SAE1: variants seen among roughly 807,000 people sequenced by gnomAD.
SAE1 encodes SUMO1 activating enzyme subunit 1, also known as SUMO-activating enzyme subunit 1.
In SAE1, 11 loss-of-function variants were observed where a neutral mutation model predicts 40.6. That is an observed-to-expected ratio of 0.27 (90% CI 0.17 to 0.45). The LOEUF is 0.45. SAE1 is among the 20% of genes least tolerant of loss of function. The probability of loss-of-function intolerance (pLI) is 1.00; values close to 1 mark genes in which losing one functional copy is unlikely to be tolerated. For synonymous variants in SAE1, 155 were observed against 154.3 expected, an observed-to-expected ratio of 1.00 and a Z score of -0.03; for missense variants, 373 against 427.3, an observed-to-expected ratio of 0.87 and a Z score of 1.12.
chr19:47,160,191 G>T (rs940687666), intron 5 of SAE1, among the ~76,000 whole-genome samples: 3 of 148,882 alleles, frequency 2.0e-5, no homozygotes, highest in African/African-American at 7.4e-5. Flanking sequence ...GAACCCTCAG[G>T]CCAGAGAGGT....
At chr19:47,134,668 G>T (rs959012310) in intron 1 of SAE1, among the ~76,000 whole-genome samples, 1 of 152,112 alleles carries the variant, frequency 6.6e-6, no homozygotes, top group Admixed American at 6.6e-5. Context: ...AGGGGTTTGC[G>T]GCAGCAGATA....
At chr19:47,154,083 G>A (rs182694042) in intron 4 of SAE1, among the ~76,000 whole-genome samples, 249 of 143,380 alleles carry the variant, frequency 1.7e-3, no homozygotes, top group Non-Finnish European at 2.9e-3. Flanking sequence ...GTGAGCCACC[G>A]CACCCGGCTA....
intron 5 of SAE1, among the ~76,000 whole-genome samples, chr19:47,157,550 C>T (rs537196597): frequency 2.0e-5 from 3 of 152,294 alleles, no homozygotes; most frequent in East Asian, 3.9e-4. Context: ...TGGAAGTTTC[C>T]CTGGAGTCAG....
intron 6 of SAE1, chr19:47,180,171 G>A: frequency 2.2e-6 from 1 of 456,108 alleles, no homozygotes; most frequent in South Asian, 1.5e-5. Context: ...TTGTTGAGAG[G>A]GTTTATGCCC....
At chr19:47,143,451 C>G (rs767070102) in intron 1 of SAE1, 43 bp from the exon 2 acceptor site, 1 of 1,477,308 alleles carries the variant, frequency 6.8e-7, no homozygotes. Context: ...ATTCTGCAAG[C>G]TCACTGTTCT....
chr19:47,189,420 G>A (rs2058565253), intron 6 of SAE1, among the ~76,000 whole-genome samples: 1 of 152,192 alleles, frequency 6.6e-6, no homozygotes, highest in African/African-American at 2.4e-5. Flanking sequence ...AATGAGCCGG[G>A]CGTAGTGGTG....
intron 1 of SAE1, among the ~76,000 whole-genome samples, chr19:47,132,320 C>T (rs935744041): frequency 4.6e-5 from 7 of 151,038 alleles, no homozygotes; most frequent in African/African-American, 7.3e-5. Context: ...GGGATCACAG[C>T]TCACTGTAGC....
At chr19:47,204,778 G>A (rs2058677445) in intron 8 of SAE1, among the ~76,000 whole-genome samples, 2 of 152,084 alleles carry the variant, frequency 1.3e-5, no homozygotes, top group South Asian at 4.1e-4. Flanking sequence ...TTATAGGTGT[G>A]AGCCACCGCA....
chr19:47,163,313 G>A (rs1046859720), intron 5 of SAE1, among the ~76,000 whole-genome samples: 2 of 151,614 alleles, frequency 1.3e-5, no homozygotes, highest in African/African-American at 4.8e-5. Flanking sequence ...AAAACATTGC[G>A]TCTATCTGTA....
chr19:47,164,976 G>A (rs1468087279), intron 5 of SAE1, among the ~76,000 whole-genome samples: 2 of 151,696 alleles, frequency 1.3e-5, no homozygotes, highest in African/African-American at 4.8e-5. Context: ...TAGTAGAGAC[G>A]GAGTTTCACC....
chr19:47,146,092 G>T (rs1030525995), intron 2 of SAE1, among the ~76,000 whole-genome samples: 2 of 152,142 alleles, frequency 1.3e-5, no homozygotes, highest in African/African-American at 4.8e-5. Context: ...GGACATAGCA[G>T]TGTCACAAAG....
intron 7 of SAE1, among the ~76,000 whole-genome samples, chr19:47,200,399 A>ATTTTTTTTTTTTTTT (rs35657499): frequency 9.8e-6 from 1 of 102,560 alleles, no homozygotes; most frequent in African/African-American, 4.2e-5. Flanking sequence ...AGCCTGCCTA[A>ATTTTTTTTTTTTTTT]TTTTTTTTTT....
intron 6 of SAE1, among the ~76,000 whole-genome samples, chr19:47,188,728 G>T (rs1168576953): frequency 6.6e-6 from 1 of 152,186 alleles, no homozygotes; most frequent in Admixed American, 6.5e-5. Flanking sequence ...CTTGCCCAAG[G>T]TCACAGTAAG....
At chr19:47,200,651 C>T (rs958699957) in intron 7 of SAE1, among the ~76,000 whole-genome samples, 2 of 152,142 alleles carry the variant, frequency 1.3e-5, no homozygotes, top group South Asian at 2.1e-4. Context: ...CTGGGATAGA[C>T]AGGCGTCAGC....
At chr19:47,183,351 CAGTA>C (rs1892838606) in intron 6 of SAE1, among the ~76,000 whole-genome samples, 2 of 152,104 alleles carry the variant, frequency 1.3e-5, no homozygotes, top group Admixed American at 1.3e-4. Context: ...TCATCACACG[CAGTA>C]AGTGTTAGAG....
At position 47,207,467 on chromosome 19, in the gene SAE1, T is replaced by C. The variant is rs572585018; in HGVS notation, c.949-1692T>C. On this transcript the variant is annotated intron_variant, in intron 8 of 8. Coordinates refer to ENST00000270225, the MANE Select transcript of SAE1 (RefSeq NM_005500.3). The stretch of plus-strand genomic sequence containing the variant: ...CCTGGCAGCTTGCCTAGGTGATGTC[T>C]TCCTCTTTAAATGGTAGCTTGTGGT... Among the ~76,000 whole-genome samples, 65 of 151,896 alleles carry C rather than the reference T, an allele frequency of 4.3e-4. 2 individuals are homozygous for C. The South Asian group carries it at 0.014, about 32-fold the overall frequency.
chr19:47,146,656 A>T (rs1274859052), intron 2 of SAE1, among the ~76,000 whole-genome samples: 1 of 152,202 alleles, frequency 6.6e-6, no homozygotes, highest in Non-Finnish European at 1.5e-5. Context: ...CAGATGGGAA[A>T]ACTGAGTAAA....
At chr19:47,169,779 CAT>C (rs1219117882) in intron 5 of SAE1, 37 bp from the exon 6 acceptor site, 1 of 1,322,844 alleles carries the variant, frequency 7.6e-7, no homozygotes, top group African/African-American at 1.4e-5. Context: ...TGGAAGCCAG[CAT>C]ATGTTATTCC....
intron 8 of SAE1, 90 bp from the exon 9 acceptor site, chr19:47,209,069 C>A: frequency 2.3e-6 from 3 of 1,318,200 alleles, no homozygotes; most frequent in Non-Finnish European, 3.2e-6. Context: ...CAGTTAAGAA[C>A]CACTGCCCTA....
Sources: gnomAD v4.1 joint callset for allele counts (sites outside exome capture counted in the v4.1 genomes callset) on GRCh38, gnomAD v4.1.1 for gene constraint, MANE v1.5 for transcripts, NCBI Gene and HGNC (gene_info 2026-07-23, HGNC 2026-07-21) for gene names.